FBXW12: variants seen among roughly 807,000 people sequenced by gnomAD.
The protein encoded by FBXW12 is F-box/WD repeat-containing protein 12.
FBXW12 carries 43 observed loss-of-function variants against 55.3 expected under a neutral mutation model. The observed-to-expected ratio is 0.78, with a 90% CI of 0.61 to 1.00. The LOEUF is 1.00. Ranked by LOEUF, FBXW12 falls within the 50% of genes least tolerant of loss-of-function variation. The pLI, the probability that FBXW12 is intolerant of heterozygous loss-of-function variation, is 0.00. For synonymous variants in FBXW12, 184 were observed against 203.8 expected, an observed-to-expected ratio of 0.90 and a Z score of 0.83; for missense variants, 524 against 560.5, an observed-to-expected ratio of 0.93 and a Z score of 0.66.
chr3:48,384,762 T>C (rs2036821870), intron 10 of FBXW12, among the ~76,000 whole-genome samples: 1 of 152,208 alleles, frequency 6.6e-6, no homozygotes, highest in African/African-American at 2.4e-5. Context: ...TAAATTGATA[T>C]AAGCATATAG....
intron 10 of FBXW12, among the ~76,000 whole-genome samples, chr3:48,391,106 C>CAAAAAAAAAAA (rs587685327): frequency 1.2e-5 from 1 of 82,908 alleles, no homozygotes; most frequent in Non-Finnish European, 2.4e-5. Context: ...CCTGTCTCTA[C>CAAAAAAAAAAA]AAAAAAAAAA....
At chr3:48,377,700 G>T (rs1488120308) in intron 5 of FBXW12, among the ~76,000 whole-genome samples, 1 of 152,212 alleles carries the variant, frequency 6.6e-6, no homozygotes, top group African/African-American at 2.4e-5. Context: ...ATTTGGGTGC[G>T]GAGAGCCATG....
intron 7 of FBXW12, chr3:48,379,836 T>C (rs963706170): frequency 5.3e-6 from 2 of 374,074 alleles, no homozygotes; most frequent in East Asian, 5.8e-5. Flanking sequence ...TAGGGATTGC[T>C]GGGCATGGTG....
intron 10 of FBXW12, among the ~76,000 whole-genome samples, chr3:48,392,986 CTTTTTTTT>C (rs782102353): frequency 8.0e-6 from 1 of 125,168 alleles, no homozygotes; most frequent in African/African-American, 3.0e-5. Context: ...AAGGGGTACC[CTTTTTTTT>C]TTTTTTTTTT....
chr3:48,378,557 A>G (rs2036718616), intron 6 of FBXW12, 31 bp downstream of exon 6: 2 of 1,586,164 alleles, frequency 1.3e-6, no homozygotes, highest in Non-Finnish European at 1.7e-6. Context: ...GAGGGGACCA[A>G]AAAATCAAAT....
intron 1 of FBXW12, 94 bp downstream of exon 1, chr3:48,372,414 C>A: frequency 7.1e-7 from 1 of 1,410,578 alleles, no homozygotes; most frequent in Non-Finnish European, 9.8e-7. Flanking sequence ...AAAGTGAGTG[C>A]ACTCGGTGAC....
chr3:48,380,970 G>C (rs1033288708), intron 8 of FBXW12, 58 bp downstream of exon 8: 4 of 1,388,678 alleles, frequency 2.9e-6, no homozygotes, highest in South Asian at 1.2e-5. Context: ...AGTCATTCGT[G>C]TTTAGCTCTA....
At chr3:48,372,372 A>T in intron 1 of FBXW12, 52 bp downstream of exon 1, 1 of 1,540,250 alleles carries the variant, frequency 6.5e-7, no homozygotes, top group African/African-American at 1.4e-5. Flanking sequence ...TTTGGAACTT[A>T]AATAGAGTCA....
intron 10 of FBXW12, among the ~76,000 whole-genome samples, chr3:48,387,176 A>T (rs2036858573): frequency 6.6e-6 from 1 of 152,142 alleles, no homozygotes; most frequent in African/African-American, 2.4e-5. Flanking sequence ...AACTCAGATT[A>T]TCTATTTTAT....
At chr3:48,391,317 T>A (rs971406319) in intron 10 of FBXW12, among the ~76,000 whole-genome samples, 1 of 133,078 alleles carries the variant, frequency 7.5e-6, no homozygotes, top group Admixed American at 8.1e-5. Flanking sequence ...TATCTATCTA[T>A]ACACACACAC....
chr3:48,390,181 G>A (rs537054492), intron 10 of FBXW12, among the ~76,000 whole-genome samples: 1 of 151,984 alleles, frequency 6.6e-6, no homozygotes. Context: ...CCTCCAGATT[G>A]CTTTGGCTAT....
In FBXW12 at chr3:48,373,709, T is replaced by G. The variant is rs1399203952; in HGVS notation, c.286+4T>G. Reference sequence around the variant, plus strand: ...TACAAAGTAACTAAGAACATCGGTATGGGTATAGGTGCCCTAGAGGAACAT... The same window carrying G: ...TACAAAGTAACTAAGAACATCGGTAGGGGTATAGGTGCCCTAGAGGAACAT... On this transcript the variant is annotated splice_donor_region_variant and intron_variant, in intron 4 of 10. Transcript: ENST00000296438. The G allele has an allele frequency of 4.3e-6, 7 of 1,609,502 alleles. No homozygotes were observed. Among genetic ancestry groups the G allele is most frequent in the South Asian group, 1.1e-5 (1 of 90,928 alleles).
intron 5 of FBXW12, 146 bp from the exon 6 acceptor site, chr3:48,378,171 A>G (rs2036711178): frequency 3.1e-6 from 2 of 641,640 alleles, no homozygotes; most frequent in East Asian, 5.5e-5. Context: ...CCTCCAAAAT[A>G]TTGAGATGTG....
chr3:48,372,585 C>A, intron 1 of FBXW12, 99 bp from the exon 2 acceptor site: 1 of 1,412,944 alleles, frequency 7.1e-7, no homozygotes. Flanking sequence ...TGGATCAGGC[C>A]CCAGGGGAGA....
Position 48,380,893 on chromosome 3 carries a change from A to G in FBXW12, c.966A>G (p.Gly322=). ...ITFDLTTKKT[G]GQTVIQAYEI... is the part of the protein sequence containing the mutation. ...TTGATCTAACAACCAAGAAGACTGG[A>G]GGCCAAACAGTCATCCAAGGTAGGC... The change falls in exon 8 of 11, where the codon GGA becomes GGG. Residue 322 remains glycine, a synonymous_variant. Transcript: ENST00000296438. 1 of 1,613,966 alleles carries G rather than the reference A, an allele frequency of 6.2e-7. No individual in the cohort carries two copies. Among genetic ancestry groups the G allele is most frequent in the East Asian group, 2.2e-5 (1 of 44,882 alleles).
intron 10 of FBXW12, among the ~76,000 whole-genome samples, chr3:48,391,534 G>A (rs1262342428): frequency 6.6e-6 from 1 of 152,034 alleles, no homozygotes; most frequent in African/African-American, 2.4e-5. Flanking sequence ...ATGTTTACTA[G>A]GAGTGGTGAG....
At chr3:48,374,329 ATT>A (rs35433340) in intron 4 of FBXW12, among the ~76,000 whole-genome samples, 5 of 137,878 alleles carry the variant, frequency 3.6e-5, no homozygotes, top group Admixed American at 7.3e-5. Context: ...CAACCAGTTG[ATT>A]TTTTTTTTTT....
rs140417083 is a variant in FBXW12, at chr3:48,381,982, G to T, written c.1192G>T (p.Glu398Ter). The change falls in exon 10 of 11, where the codon GAG becomes TAG. Residue 398 changes from glutamate to a stop codon, truncating the protein, a stop_gained. Transcript: ENST00000296438. LOFTEE classifies it high-confidence loss of function. The part of the protein sequence containing the change: ...VDPCYVLTTS[E>*]NSVHVYMWEE... ...TCCTTGCTATGTGCTCACCACATCC[G>T]AGAACTCTGTGCACGTGTACATGTG... is the stretch of plus-strand genomic sequence containing the variant. The T allele has an allele frequency of 3.7e-6, 6 of 1,614,118 alleles. No homozygotes were observed. Among genetic ancestry groups the T allele is most frequent in the Non-Finnish European group, 5.1e-6 (6 of 1,180,024 alleles).
rs2036889653 is a variant in FBXW12 at position 48,389,367 on chromosome 3, C to T, written c.1296-5193C>T. ...TCTGTTGATAGTTTCTTTTGCTGTG[C>T]AAAACCTTTTTTTGTTTTGTTTGGT... On this transcript the variant is annotated intron_variant, in intron 10 of 10. Transcript: ENST00000296438. Among the ~76,000 whole-genome samples, 6 of 152,124 alleles carry T rather than the reference C, an allele frequency of 3.9e-5. No individual in the cohort carries two copies. In the South Asian group the frequency reaches 1.2e-3, roughly 32 times the overall value.
Sources: gnomAD v4.1 joint callset for allele counts (sites outside exome capture counted in the v4.1 genomes callset) on GRCh38, gnomAD v4.1.1 for gene constraint, MANE v1.5 for transcripts, NCBI Gene and HGNC (gene_info 2026-07-23, HGNC 2026-07-21) for gene names.